Variants in PTPRD observed in about 807,000 individuals in gnomAD.
PTPRD encodes receptor-type tyrosine-protein phosphatase delta.
In PTPRD, 34 loss-of-function variants were observed where a neutral mutation model predicts 214.5. The ratio of observed to expected loss-of-function variants is 0.16; its 90% CI spans 0.12 to 0.21. PTPRD has a LOEUF of 0.21. Among genes scored for constraint, PTPRD ranks in the 10% least tolerant of loss-of-function variants. The pLI, the probability that PTPRD is intolerant of heterozygous loss-of-function variation, is 1.00. For synonymous variants in PTPRD, 1,128 were observed against 845.7 expected (o/e 1.33, Z -5.79); for missense variants, 2,545 against 2,398.7 (o/e 1.06, Z -1.27).
At chr9:10,244,512 T>C (rs1488195133) in intron 3 of PTPRD, among the ~76,000 whole-genome samples, 3 of 152,106 alleles carry the variant, frequency 2.0e-5, no homozygotes, top group Non-Finnish European at 2.9e-5. Context: ...GAGTTTATAG[T>C]CAAAACAAAT....
At chr9:9,513,224 T>C (rs1444197384) in intron 8 of PTPRD, among the ~76,000 whole-genome samples, 1 of 151,982 alleles carries the variant, frequency 6.6e-6, no homozygotes, top group Non-Finnish European at 1.5e-5. Flanking sequence ...CAAACAACTA[T>C]AAAACAAAGT....
intron 5 of PTPRD, among the ~76,000 whole-genome samples, chr9:9,845,931 G>A (rs2059449185): frequency 6.6e-6 from 1 of 152,046 alleles, no homozygotes; most frequent in Non-Finnish European, 1.5e-5. Context: ...AGAAGGAGCA[G>A]AGTAACTCAA....
intron 11 of PTPRD, among the ~76,000 whole-genome samples, chr9:8,994,665 G>T (rs954456846): frequency 6.4e-4 from 98 of 152,068 alleles, no homozygotes; most frequent in Non-Finnish European, 1.6e-4. Context: ...GGTTGGAGGG[G>T]GGGTGTTGTT....
intron 5 of PTPRD, among the ~76,000 whole-genome samples, chr9:9,796,236 G>A (rs1295428945): frequency 6.6e-6 from 1 of 152,228 alleles, no homozygotes; most frequent in African/African-American, 2.4e-5. Flanking sequence ...GGATATCTGA[G>A]AAACGTTTTG....
intron 14 of PTPRD, among the ~76,000 whole-genome samples, chr9:8,572,263 T>C (rs1188254305): frequency 6.6e-6 from 1 of 152,042 alleles, no homozygotes. Context: ...AGAGTCAGAA[T>C]ATAGCCTCCA....
rs1272151813 is a variant in PTPRD at position 10,562,030 on chromosome 9, T to C, written c.-600+50368A>G. On this transcript the variant is annotated intron_variant, in intron 2 of 45. Coordinates refer to ENST00000381196, the MANE Select transcript of PTPRD (RefSeq NM_002839.4). ...TACATTTGTAAGTAATGAAAGAAAG[T>C]ATAATACTTGCAAAACATAAACTGA... is the stretch of plus-strand genomic sequence containing the variant. Among the ~76,000 whole-genome samples, 3 of 152,252 alleles carry C rather than the reference T, an allele frequency of 2.0e-5. No individual in the cohort carries two copies. The East Asian group carries it at 5.8e-4, about 29-fold the overall frequency.
intron 11 of PTPRD, among the ~76,000 whole-genome samples, chr9:9,003,805 C>G (rs2099437112): frequency 6.6e-6 from 1 of 152,050 alleles, no homozygotes; most frequent in Non-Finnish European, 1.5e-5. Flanking sequence ...TTGTTAAAGA[C>G]TTAGCTCTGT....
chr9:8,537,548 A>G (rs780721277), intron 14 of PTPRD, among the ~76,000 whole-genome samples: 2 of 152,062 alleles, frequency 1.3e-5, no homozygotes, highest in Admixed American at 6.6e-5. Context: ...AGATTTAGGT[A>G]TCTCTTAAAG....
chr9:9,045,217 A>G (rs1212423641), intron 10 of PTPRD, among the ~76,000 whole-genome samples: 2 of 152,182 alleles, frequency 1.3e-5, no homozygotes, highest in Non-Finnish European at 2.9e-5. Context: ...AGGTGACGTT[A>G]TGAATGCCCA....
chr9:9,161,422 A>G (rs2099888510), intron 10 of PTPRD, among the ~76,000 whole-genome samples: 1 of 152,228 alleles, frequency 6.6e-6, no homozygotes, highest in East Asian at 1.9e-4. Flanking sequence ...TCTTTTACTC[A>G]TATTTTATTT....
chr9:8,872,385 T>C (rs1436711791), intron 11 of PTPRD, among the ~76,000 whole-genome samples: 2 of 152,224 alleles, frequency 1.3e-5, no homozygotes, highest in African/African-American at 2.4e-5. Flanking sequence ...ACTTCTCTGC[T>C]CAATGTTGTT....
chr9:8,553,740 T>C (rs1340827166), intron 14 of PTPRD, among the ~76,000 whole-genome samples: 4 of 152,172 alleles, frequency 2.6e-5, no homozygotes, highest in Admixed American at 2.6e-4. Context: ...ATAAGAACCT[T>C]CTTCTTATGC....
intron 11 of PTPRD, among the ~76,000 whole-genome samples, chr9:8,735,164 G>GTTTTTTTTTTTTTGTTTTTTTTTTTTT (rs1565662946): frequency 7.2e-6 from 1 of 137,998 alleles, no homozygotes; most frequent in Non-Finnish European, 1.5e-5. Context: ...TTTTTTTTTT[G>GTTTTTTTTTTTTTGTTTTTTTTTTTTT]AGACAGTCTC....
At chr9:8,624,219 A>G (rs57601971) in intron 14 of PTPRD, among the ~76,000 whole-genome samples, 1 of 151,714 alleles carries the variant, frequency 6.6e-6, no homozygotes, top group Non-Finnish European at 1.5e-5. Context: ...TAACAGGGGG[A>G]AAAAAAGGAA....
chr9:8,711,074 T>A (rs1177253371), intron 12 of PTPRD, among the ~76,000 whole-genome samples: 1 of 152,166 alleles, frequency 6.6e-6, no homozygotes, highest in African/African-American at 2.4e-5. Context: ...CAATTTATAG[T>A]AACATTTAAT....
chr9:9,300,495 G>A (rs1405369966), intron 9 of PTPRD, among the ~76,000 whole-genome samples: 4 of 151,746 alleles, frequency 2.6e-5, no homozygotes, highest in African/African-American at 9.7e-5. Flanking sequence ...GAATGTTTGT[G>A]TTCCCCCCAA....
At chr9:9,776,636 A>G (rs2098800602) in intron 5 of PTPRD, among the ~76,000 whole-genome samples, 1 of 150,536 alleles carries the variant, frequency 6.6e-6, no homozygotes, top group African/African-American at 2.5e-5. Context: ...AGCTAACAAG[A>G]AAAAAAAGAA....
At chr9:10,478,110 C>T (rs1175281120) in intron 2 of PTPRD, among the ~76,000 whole-genome samples, 2 of 151,586 alleles carry the variant, frequency 1.3e-5, no homozygotes, top group Middle Eastern at 3.2e-3. Context: ...CAAACCTGCA[C>T]GTTTAGCACA....
intron 11 of PTPRD, among the ~76,000 whole-genome samples, chr9:8,804,135 T>C (rs1460725141): frequency 6.6e-6 from 1 of 152,012 alleles, no homozygotes; most frequent in African/African-American, 2.4e-5. Context: ...GTATTTTTAG[T>C]AGAGACAGGG....
Sources: allele counts gnomAD v4.1 joint callset (sites outside exome capture counted in the v4.1 genomes callset), GRCh38; gene constraint gnomAD v4.1.1; transcripts MANE v1.5; gene names NCBI Gene and HGNC (gene_info 2026-07-23, HGNC 2026-07-21).